The following EIF4E variants were observed in gnomAD, a reference collection of about 807,000 sequenced individuals.
EIF4E encodes eukaryotic translation initiation factor 4E, also known as eIF-4F 25 kDa subunit.
For synonymous variants in EIF4E, 71 were observed against 88.5 expected (o/e 0.80, Z 1.11); for missense variants, 113 against 265.6 (o/e 0.43, Z 3.99).
intron 1 of EIF4E, among the ~76,000 whole-genome samples, chr4:98,917,135 A>AC (rs1560652727): frequency 0.052 from 1,510 of 29,166 alleles, 12 homozygotes; most frequent in East Asian, 0.13. Context: ...CACACACACA[A>AC]AAAAAACCCA....
intron 6 of EIF4E, among the ~76,000 whole-genome samples, chr4:98,884,635 C>T (rs1427259249): frequency 1.3e-5 from 2 of 151,970 alleles, no homozygotes; most frequent in East Asian, 1.9e-4. Flanking sequence ...ACCCGGGAGG[C>T]GGAGGTTGCA....
At chr4:98,889,922 G>C (rs553983587) in intron 3 of EIF4E, among the ~76,000 whole-genome samples, 1 of 151,976 alleles carries the variant, frequency 6.6e-6, no homozygotes, top group East Asian at 1.9e-4. Flanking sequence ...TTTTGATGAT[G>C]GGCAAAGAAT....
intron 2 of EIF4E, among the ~76,000 whole-genome samples, chr4:98,900,008 A>T (rs935652287): frequency 1.1e-4 from 17 of 148,604 alleles, no homozygotes; most frequent in African/African-American, 3.5e-4. Context: ...TTTTTTTTTT[A>T]AACTGATGAG....
chr4:98,887,182 T>C lies in EIF4E; in HGVS notation c.296A>G (p.Glu99Gly). The C allele has an allele frequency of 1.2e-6, 2 of 1,613,956 alleles. No homozygotes were observed. The highest frequency in any genetic ancestry group is 1.7e-6 in the Non-Finnish European group (2 of 1,179,830). The stretch of plus-strand genomic sequence containing the variant: ...GTTTTTCTCATCTTCCCACATAGGC[T>C]CAATACCATCCTACAGGGTTAGAAG... ...CDYSLFKDGIEPMWEDEKNKR... is the reference protein window; with the variant it reads ...CDYSLFKDGIGPMWEDEKNKR... Residue 99 changes from glutamate to glycine, a missense_variant, in exon 5 of 7, where the codon GAG (glutamate) becomes GGG (glycine). Coordinates refer to ENST00000450253, the MANE Select transcript of EIF4E (RefSeq NM_001968.5). This position sits in a 1 kb window ranked among gnomAD's most constrained non-coding sequence, Gnocchi z 4.0.
At chr4:98,897,959 A>T (rs1338167007) in intron 2 of EIF4E, among the ~76,000 whole-genome samples, 1 of 152,246 alleles carries the variant, frequency 6.6e-6, no homozygotes, top group Admixed American at 6.5e-5. Flanking sequence ...AAAATCTTAC[A>T]CAGGTAAGAG....
rs1725391213 is a variant in EIF4E at position 98,916,551 on chromosome 4, A to AG, written c.18+12543_18+12544insC. ...CAGTACAATGGATGAAAACAGACTT[A>AG]TACTAAGGTATATTATTGTGAAATA... On this transcript the variant is annotated intron_variant, in intron 1 of 6. Coordinates refer to ENST00000450253, the MANE Select transcript of EIF4E (RefSeq NM_001968.5). Among the ~76,000 whole-genome samples the AG allele has an allele frequency of 2.0e-5, 3 of 152,322 alleles. No individual in the cohort carries two copies. The East Asian group carries it at 5.8e-4, about 29-fold the overall frequency.
chr4:98,924,813 G>A (rs142627299), intron 1 of EIF4E, among the ~76,000 whole-genome samples: 3,538 of 151,694 alleles, frequency 0.023, 122 homozygotes, highest in African/African-American at 0.081. Context: ...GGCTGGTCTC[G>A]AACACCTGAC....
intron 6 of EIF4E, among the ~76,000 whole-genome samples, chr4:98,882,928 C>G (rs892108701): frequency 6.6e-6 from 1 of 151,978 alleles, no homozygotes; most frequent in African/African-American, 2.4e-5. Context: ...TTATGGAACC[C>G]CATATAGCAT....
intron 1 of EIF4E, among the ~76,000 whole-genome samples, chr4:98,924,364 ACCGCAC>A (rs1221119986): frequency 1.3e-5 from 2 of 152,116 alleles, no homozygotes; most frequent in East Asian, 3.9e-4. Flanking sequence ...GGCATGAGCC[ACCGCAC>A]CCGGCCCATA....
chr4:98,890,879 C>A, intron 3 of EIF4E: 1 of 251,296 alleles, frequency 4.0e-6, no homozygotes, highest in Admixed American at 5.1e-5. Context: ...AAACAGTTTG[C>A]AGAAATGAGG....
At position 98,905,233 on chromosome 4, in the gene EIF4E, A is replaced by T. The variant is rs575973332; in HGVS notation, c.19-3251T>A. 4.9e-3 allele frequency among the ~76,000 whole-genome samples: 631 copies of T among 129,754 alleles called. 5 individuals carry two copies. The highest frequency in any genetic ancestry group is 0.023 in the African/African-American group (565 of 25,094). 85.1% of individuals were successfully genotyped at this position (129,754 alleles called of 152,430 possible). A position where few individuals can be genotyped will look rare whatever the true frequency, so the allele number is the denominator to read the frequency against. On this transcript the variant is annotated intron_variant, in intron 1 of 6. Coordinates refer to ENST00000450253, the MANE Select transcript of EIF4E (RefSeq NM_001968.5). ...ATCTCAGGTTCTATCAGGGAATTTA[A>T]AAAAAAAAAAAAGGAAAAAAAATTA...
intron 6 of EIF4E, among the ~76,000 whole-genome samples, chr4:98,884,346 G>A (rs1459135059): frequency 2.0e-5 from 3 of 152,138 alleles, no homozygotes; most frequent in Admixed American, 1.3e-4. Context: ...ACATGCCAAA[G>A]GAGAGTGCTC....
At chr4:98,909,461 C>CA in intron 1 of EIF4E, 2 of 549,234 alleles carry the variant, frequency 3.6e-6, no homozygotes, top group Non-Finnish European at 6.4e-6. Context: ...CTTGAACACA[C>CA]AGCAGTGGTC....
At chr4:98,911,436 G>A (rs1029855487) in intron 1 of EIF4E, among the ~76,000 whole-genome samples, 31 of 149,230 alleles carry the variant, frequency 2.1e-4, no homozygotes, top group African/African-American at 7.3e-4. Context: ...GAGGCGGGTG[G>A]AGCATCTGAG....
At chr4:98,898,068 A>G (rs1724484779) in intron 2 of EIF4E, among the ~76,000 whole-genome samples, 1 of 152,190 alleles carries the variant, frequency 6.6e-6, no homozygotes, top group South Asian at 2.1e-4. Flanking sequence ...CATTGCAACT[A>G]GCCTCTAAGA....
chr4:98,928,786 C>A, intron 1 of EIF4E: 9 of 1,406,798 alleles, frequency 6.4e-6, no homozygotes, highest in Non-Finnish European at 8.5e-6. Context: ...TCCTCGCATA[C>A]CCAGCCCAGA....
chr4:98,921,055 T>C (rs185286630), intron 1 of EIF4E, among the ~76,000 whole-genome samples: 1 of 152,108 alleles, frequency 6.6e-6, no homozygotes, highest in Non-Finnish European at 1.5e-5. Flanking sequence ...TAAAAAAAAA[T>C]TTTATATTCA....
chr4:98,900,232 G>T (rs548875965), intron 2 of EIF4E, among the ~76,000 whole-genome samples: 1 of 152,170 alleles, frequency 6.6e-6, no homozygotes, highest in African/African-American at 2.4e-5. Flanking sequence ...CTAACGAATT[G>T]TTCAACCTAA....
At chr4:98,915,876 T>A (rs1239164605) in intron 1 of EIF4E, among the ~76,000 whole-genome samples, 2 of 151,790 alleles carry the variant, frequency 1.3e-5, no homozygotes, top group African/African-American at 4.8e-5. Flanking sequence ...CATGGTACAG[T>A]AAGTTCCCCA....
Sources: gnomAD v4.1 joint callset for allele counts (sites outside exome capture counted in the v4.1 genomes callset) on GRCh38, gnomAD v4.1.1 for gene constraint, Gnocchi (gnomAD v3.1) non-coding constraint, MANE v1.5 for transcripts, NCBI Gene and HGNC (gene_info 2026-07-23, HGNC 2026-07-21) for gene names.